The following NPAS3 variants were observed in gnomAD, a reference collection of about 807,000 sequenced individuals.
The protein encoded by NPAS3 is neuronal PAS domain-containing protein 3.
A neutral mutation model predicts 73.1 loss-of-function variants in NPAS3; 14 were observed. The ratio of observed to expected loss-of-function variants is 0.19; its 90% CI spans 0.13 to 0.30. The LOEUF (loss-of-function observed/expected upper bound fraction) is 0.30, where lower values mean the gene tolerates loss of function less well. NPAS3 is among the 10% of genes least tolerant of loss of function. The pLI is 1.00. For synonymous variants in NPAS3, 620 were observed against 541.5 expected (o/e 1.14, Z -2.01); for missense variants, 1,096 against 1,250.0 (o/e 0.88, Z 1.86).
intron 3 of NPAS3, 102 bp from the exon 4 acceptor site, chr14:33,367,084 T>C: frequency 3.4e-6 from 2 of 588,990 alleles, no homozygotes; most frequent in East Asian, 3.0e-5. Context: ...CTCATTGTAA[T>C]ACTAAATAGT....
At chr14:32,938,482 A>AGAGAGAGAGAGAGAGAGAGAG (rs2035781447), upstream of NPAS3, among the ~76,000 whole-genome samples, 1 of 15,056 alleles carries the variant, frequency 6.6e-5, no homozygotes, top group Non-Finnish European at 1.6e-4. Context: ...AGAGAGAGAG[A>AGAGAGAGAGAGAGAGAGAGAG]AATTGAGAGA....
chr14:33,014,902 G>A (rs920271178), intron 1 of NPAS3, among the ~76,000 whole-genome samples: 3 of 152,194 alleles, frequency 2.0e-5, no homozygotes, highest in African/African-American at 7.2e-5. Context: ...GGCCTTCGGA[G>A]GAAGCACTGC....
intron 6 of NPAS3, among the ~76,000 whole-genome samples, chr14:33,693,484 T>C (rs1240897954): frequency 2.0e-5 from 3 of 152,106 alleles, no homozygotes; most frequent in Non-Finnish European, 4.4e-5. Flanking sequence ...GTCAATGTGG[T>C]AAATTCAGTG....
At chr14:33,220,428 G>A (rs1247093986) in intron 3 of NPAS3, among the ~76,000 whole-genome samples, 2 of 152,162 alleles carry the variant, frequency 1.3e-5, no homozygotes, top group Non-Finnish European at 2.9e-5. Flanking sequence ...TATGCTTCCA[G>A]GAAGGCTTTT....
intron 3 of NPAS3, among the ~76,000 whole-genome samples, chr14:33,243,775 A>C (rs1173869147): frequency 6.6e-6 from 1 of 152,104 alleles, no homozygotes; most frequent in Non-Finnish European, 1.5e-5. Context: ...AATTAAAAAA[A>C]AAAAAGTACA....
At position 33,625,456 on chromosome 14, in the gene NPAS3, C is replaced by A. The variant is rs138797714; in HGVS notation, c.559-50755C>A. On this transcript the variant is annotated intron_variant, in intron 5 of 11. Transcript: ENST00000356141. ...GGGATGAATCCCTTTGAAGACGCTG[C>A]AGGAGAGTTCAGGCTGATTAAAGAC... Among the ~76,000 whole-genome samples the A allele has an allele frequency of 1.6e-3, 238 of 152,278 alleles. 1 individual carries two copies. Among genetic ancestry groups the A allele is most frequent in the African/African-American group, 5.1e-3 (210 of 41,566 alleles).
chr14:33,195,674 CT>C (rs2046327099), intron 2 of NPAS3, among the ~76,000 whole-genome samples: 1 of 152,212 alleles, frequency 6.6e-6, no homozygotes, highest in Non-Finnish European at 1.5e-5. Context: ...CTAAAAGTAA[CT>C]GTTTTGTGCT....
chr14:32,946,348 G>GCGCACACACACA (rs1233572564), intron 1 of NPAS3, among the ~76,000 whole-genome samples: 27 of 139,402 alleles, frequency 1.9e-4, no homozygotes, highest in Non-Finnish European at 3.7e-4. Flanking sequence ...ACACACACGC[G>GCGCACACACACA]CACACACACA....
intron 3 of NPAS3, among the ~76,000 whole-genome samples, chr14:33,365,185 C>T (rs1594775508): frequency 1.4e-5 from 2 of 139,664 alleles, no homozygotes; most frequent in South Asian, 2.4e-4. Context: ...CCAAAAGCCA[C>T]CCACCCCCAT....
At chr14:32,968,458 A>C (rs1056825771) in intron 1 of NPAS3, among the ~76,000 whole-genome samples, 2 of 152,186 alleles carry the variant, frequency 1.3e-5, no homozygotes, top group Non-Finnish European at 2.9e-5. Flanking sequence ...TTAGTATTAA[A>C]ATTCTGAAGG....
Position 32,975,300 on chromosome 14 carries a change from C to CA in NPAS3, c.50+35934_50+35935insA, listed in dbSNP as rs1566421828. Among the ~76,000 whole-genome samples, 131 of 147,694 alleles carry CA rather than the reference C, an allele frequency of 8.9e-4. 1 individual carries two copies. Among genetic ancestry groups the CA allele is most frequent in the African/African-American group, 3.2e-3 (128 of 40,152 alleles). On this transcript the variant is annotated intron_variant, in intron 1 of 11. Transcript: ENST00000356141. ...CTGCCCTTCTATTCCTTCCCTCCCT[C>CA]CCTCCCTGCCTCCGTCACTCCCTGC...
chr14:33,641,303 G>A (rs2058669350), intron 5 of NPAS3, among the ~76,000 whole-genome samples: 1 of 152,132 alleles, frequency 6.6e-6, no homozygotes, highest in African/African-American at 2.4e-5. Context: ...TTTCTTTGCT[G>A]TAATGTGCAT....
chr14:33,214,952 TA>T, intron 2 of NPAS3: 1 of 541,866 alleles, frequency 1.8e-6, no homozygotes. Flanking sequence ...CCTTAACAAG[TA>T]AAACACAATT....
At chr14:33,636,481 C>T (rs1399735509) in intron 5 of NPAS3, among the ~76,000 whole-genome samples, 1 of 152,178 alleles carries the variant, frequency 6.6e-6, no homozygotes, top group African/African-American at 2.4e-5. Context: ...GATATTCCTG[C>T]TCCTGAAGTT....
chr14:33,295,457 T>C (rs1566768859), intron 3 of NPAS3, among the ~76,000 whole-genome samples: 1 of 152,192 alleles, frequency 6.6e-6, no homozygotes, highest in East Asian at 1.9e-4. Flanking sequence ...GCCTTCTAGA[T>C]ACTACTCTGT....
At chr14:33,587,261 A>G (rs953852112) in intron 5 of NPAS3, among the ~76,000 whole-genome samples, 1 of 152,200 alleles carries the variant, frequency 6.6e-6, no homozygotes, top group African/African-American at 2.4e-5. Flanking sequence ...TATGTCAGTC[A>G]TTGTGAAGGA....
rs561935303 is a variant in NPAS3, at chr14:33,736,803, G to A, written c.852+1471G>A. 2.6e-5 allele frequency among the ~76,000 whole-genome samples: 4 copies of A among 152,270 alleles called. No individual in the cohort carries two copies. In the South Asian group the frequency reaches 8.3e-4, roughly 32 times the overall value. Reference sequence around the variant, plus strand: ...ATCCCAGGAGGGAAGAAGGGTGCCAGGAGTGAGATATAGTTTCAAAAAGCA... The same window carrying A: ...ATCCCAGGAGGGAAGAAGGGTGCCAAGAGTGAGATATAGTTTCAAAAAGCA... On this transcript the variant is annotated intron_variant, in intron 7 of 11. Coordinates refer to ENST00000356141, the Ensembl canonical transcript of NPAS3.
intron 4 of NPAS3, among the ~76,000 whole-genome samples, chr14:33,477,755 C>CT (rs1225776521): frequency 6.6e-6 from 1 of 152,162 alleles, no homozygotes; most frequent in African/African-American, 2.4e-5. Context: ...TAATTTTTCA[C>CT]TAAGAATTTC....
At chr14:32,969,999 G>A (rs1256233632) in intron 1 of NPAS3, among the ~76,000 whole-genome samples, 1 of 152,102 alleles carries the variant, frequency 6.6e-6, no homozygotes, top group African/African-American at 2.4e-5. Flanking sequence ...CTAGCTTCCA[G>A]GTTGAATATG....
Sources: gnomAD v4.1 joint callset for allele counts (sites outside exome capture counted in the v4.1 genomes callset) on GRCh38, gnomAD v4.1.1 for gene constraint, MANE v1.5 for transcripts, NCBI Gene and HGNC (gene_info 2026-07-23, HGNC 2026-07-21) for gene names.